GABRA3: variants seen among roughly 807,000 people sequenced by gnomAD.
GABRA3 encodes the protein gamma-aminobutyric acid receptor subunit alpha-3.
Under a neutral mutation model 30.1 loss-of-function variants are expected in GABRA3, and 10 were observed. That is an observed-to-expected ratio of 0.33 (90% confidence interval 0.20 to 0.56). The LOEUF (loss-of-function observed/expected upper bound fraction) is 0.56, where lower values mean the gene tolerates loss of function less well. Ranked by LOEUF, GABRA3 falls within the 20% of genes least tolerant of loss-of-function variation. GABRA3 has a pLI of 0.89. For synonymous variants in GABRA3, 151 were observed against 146.8 expected (o/e 1.03, Z -0.21); for missense variants, 233 against 392.0 (o/e 0.59, Z 3.42).
rs1937948541 is a variant in GABRA3, at chrX:152,226,138, C to T, written c.552-1293G>A. On this transcript the variant is annotated intron_variant, in intron 5 of 9. Transcript: ENST00000370314. ...TCCCATGTGTGGTGTCTCCATTTCTCACTCTTCACATCACAGTGCTACTGT... is the reference window on the plus strand; with the variant it reads ...TCCCATGTGTGGTGTCTCCATTTCTTACTCTTCACATCACAGTGCTACTGT... 3.6e-5 allele frequency among the ~76,000 whole-genome samples: 4 copies of T among 111,836 alleles called. No homozygotes were observed. The Admixed American group carries it at 3.8e-4, about 11-fold the overall frequency.
At chrX:152,299,117 T>C (rs143636065) in intron 3 of GABRA3, among the ~76,000 whole-genome samples, 1,598 of 110,896 alleles carry the variant, frequency 0.014, 32 homozygotes, top group African/African-American at 0.05. Flanking sequence ...CATACAATAA[T>C]GGTAGGTAAA....
chrX:152,190,504 ATTTTTTTTTCTTTTTTC>A (rs1937310108), intron 8 of GABRA3, among the ~76,000 whole-genome samples: 3 of 107,229 alleles, frequency 2.8e-5, no homozygotes, highest in African/African-American at 6.8e-5. Context: ...TCCCTAACCT[ATTTTTTTTTCTTTTTTC>A]TTTTTTTTTC....
At chrX:152,274,814 A>C (rs1323695224) in intron 4 of GABRA3, among the ~76,000 whole-genome samples, 7 of 109,336 alleles carry the variant, frequency 6.4e-5, no homozygotes. Context: ...AGCACAAATC[A>C]GTGAAACAGA....
intron 7 of GABRA3, among the ~76,000 whole-genome samples, chrX:152,202,789 T>C (rs888879939): frequency 8.9e-6 from 1 of 112,058 alleles, no homozygotes; most frequent in African/African-American, 3.2e-5. Context: ...ATTCGAGATG[T>C]AAATTTTAAA....
chrX:152,174,250 T>G (rs1937042759), intron 9 of GABRA3, among the ~76,000 whole-genome samples: 1 of 111,402 alleles, frequency 9.0e-6, no homozygotes, highest in Non-Finnish European at 1.9e-5. Context: ...GCAATAAACA[T>G]ACGTGTGCAT....
At position 152,224,863 on chromosome X, in the gene GABRA3, A is replaced by G. The variant is rs200458782; in HGVS notation, c.552-18T>C. The G allele has an allele frequency of 2.7e-6, 3 of 1,092,196 alleles. No homozygotes were observed. The African/African-American group carries it at 5.5e-5, about 20-fold the overall frequency. The allele number at this position is 1,092,196 out of a possible 1,213,427, so 90.0% of individuals were successfully genotyped here. A position where few individuals can be genotyped will look rare whatever the true frequency, so the allele number is the denominator to read the frequency against. ...TTGTTAACCTAAAAGAAAGGCAAAC[A>G]GAAAATGAAATTAAGCTAAAATAAA... On this transcript the variant is annotated intron_variant, in intron 5 of 9. Coordinates refer to ENST00000370314, the MANE Select transcript of GABRA3 (RefSeq NM_000808.4).
chrX:152,408,614 C>T (rs778400057), intron 1 of GABRA3, among the ~76,000 whole-genome samples: 7 of 111,011 alleles, frequency 6.3e-5, no homozygotes, highest in African/African-American at 2.3e-4. Flanking sequence ...AGAATCAATA[C>T]TGTTAAAATG....
intron 4 of GABRA3, among the ~76,000 whole-genome samples, chrX:152,267,284 TCTTGACACC>T (rs1938844142): frequency 8.9e-6 from 1 of 112,317 alleles, no homozygotes; most frequent in Admixed American, 9.4e-5. Context: ...GGGTTTTTGT[TCTTGACACC>T]CTTAATGTGA....
At chrX:152,248,093 C>G (rs960810520) in intron 5 of GABRA3, among the ~76,000 whole-genome samples, 1 of 111,012 alleles carries the variant, frequency 9.0e-6, no homozygotes, top group Non-Finnish European at 1.9e-5. Context: ...TTCTTCCACT[C>G]TCACTTCTCA....
intron 1 of GABRA3, among the ~76,000 whole-genome samples, chrX:152,379,913 C>A (rs1569412877): frequency 9.0e-6 from 1 of 110,622 alleles, no homozygotes; most frequent in East Asian, 2.9e-4. Context: ...TCTAGGCTCA[C>A]TGCAGCCTCT....
At chrX:152,238,197 C>A (rs909453749) in intron 5 of GABRA3, among the ~76,000 whole-genome samples, 4 of 102,995 alleles carry the variant, frequency 3.9e-5, no homozygotes, top group African/African-American at 1.6e-4. Flanking sequence ...GAGTTTTTAT[C>A]ATGAAGGGTT....
At chrX:152,423,934 C>A (rs1346505551) in intron 1 of GABRA3, among the ~76,000 whole-genome samples, 3 of 110,978 alleles carry the variant, frequency 2.7e-5, no homozygotes, top group African/African-American at 9.8e-5. Flanking sequence ...CAATAGCAAT[C>A]ATAAAAATAC....
intron 1 of GABRA3, among the ~76,000 whole-genome samples, chrX:152,441,915 A>G (rs772111426): frequency 5.3e-4 from 59 of 112,043 alleles, no homozygotes; most frequent in African/African-American, 1.7e-3. Flanking sequence ...TCATAGCATC[A>G]GGAATATCTC....
At chrX:152,381,171 G>A (rs936918236) in intron 1 of GABRA3, among the ~76,000 whole-genome samples, 14 of 111,910 alleles carry the variant, frequency 1.3e-4, no homozygotes, top group Non-Finnish European at 2.6e-4. Context: ...CATGCTTCTT[G>A]CACGGCCTAC....
chrX:152,180,090 G>A (rs893809840), intron 9 of GABRA3, among the ~76,000 whole-genome samples: 3 of 111,534 alleles, frequency 2.7e-5, no homozygotes, highest in South Asian at 3.8e-4. Context: ...TAGTGGGGTC[G>A]ATCAACCATT....
chrX:152,212,058 G>A lies in GABRA3; in HGVS notation c.635-3914C>T, dbSNP rs891327112. Among the ~76,000 whole-genome samples, 14 of 108,495 alleles carry A rather than the reference G, an allele frequency of 1.3e-4. No homozygotes were observed. The East Asian group carries it at 3.8e-3, about 29-fold the overall frequency. The allele number at this position is 108,495 out of a possible 115,157, so 94.2% of individuals were successfully genotyped here. ...AGCACCTTGGAAGGCCAATGCAGGA[G>A]GATTGCATGGGGCCAAGAGTTTGAG... On this transcript the variant is annotated intron_variant, in intron 6 of 9. Transcript: ENST00000370314.
chrX:152,199,064 G>A (rs762830768), intron 7 of GABRA3, among the ~76,000 whole-genome samples: 1 of 111,595 alleles, frequency 9.0e-6, no homozygotes, highest in South Asian at 3.8e-4. Context: ...AGAAGGATAC[G>A]TAAAAAGCAG....
chrX:152,368,041 C>T (rs1262477057), intron 1 of GABRA3, among the ~76,000 whole-genome samples: 2 of 111,932 alleles, frequency 1.8e-5, no homozygotes, highest in Non-Finnish European at 3.8e-5. Flanking sequence ...TGCCTCTGTC[C>T]TTGCTCCCCT....
At chrX:152,178,891 T>C (rs1169788251) in intron 9 of GABRA3, among the ~76,000 whole-genome samples, 2 of 112,060 alleles carry the variant, frequency 1.8e-5, no homozygotes, top group Non-Finnish European at 3.8e-5. Flanking sequence ...TATACTTTTA[T>C]ACAATATATT....
Sources: gnomAD v4.1 joint callset for allele counts (sites outside exome capture counted in the v4.1 genomes callset) on GRCh38, gnomAD v4.1.1 for gene constraint, MANE v1.5 for transcripts, NCBI Gene and HGNC (gene_info 2026-07-23, HGNC 2026-07-21) for gene names.